GLMN: variants seen among roughly 807,000 people sequenced by gnomAD.
GLMN encodes the protein glomulin, FKBP associated protein.
GLMN carries 75 observed loss-of-function variants against 87.8 expected under a neutral mutation model. The observed-to-expected ratio is 0.85, with a 90% confidence interval of 0.71 to 1.04. The LOEUF (loss-of-function observed/expected upper bound fraction) is 1.04. Among genes scored for constraint, GLMN ranks in the 50% least tolerant of loss-of-function variants. The pLI is 0.00. For synonymous variants in GLMN, 206 were observed against 221.6 expected (o/e 0.93, Z 0.63); for missense variants, 588 against 658.8 (o/e 0.89, Z 1.18).
chr1:92,287,484 G>T (rs1359557571), intron 6 of GLMN, among the ~76,000 whole-genome samples: 3 of 149,420 alleles, frequency 2.0e-5, no homozygotes, highest in African/African-American at 7.4e-5. Context: ...GGGACTACAG[G>T]CACACACCAC....
At chr1:92,355,637 C>T in the GLMN span, among the ~76,000 whole-genome samples, 1 of 152,034 alleles carries the variant, frequency 6.6e-6, no homozygotes. Flanking sequence ...GAGGAACACC[C>T]CCAAGATGCC....
In GLMN at chr1:92,288,909, C is replaced by T; in HGVS notation, c.632+5G>A. 3 of 1,345,074 alleles carry T rather than the reference C, an allele frequency of 2.2e-6. No individual in the cohort carries two copies. Among genetic ancestry groups the T allele is most frequent in the Non-Finnish European group, 3.2e-6 (3 of 934,868 alleles). 83.3% of individuals were successfully genotyped at this position (1,345,074 alleles called of 1,614,324 possible). On this transcript the variant is annotated splice_donor_5th_base_variant and intron_variant, in intron 6 of 18. Coordinates refer to ENST00000370360, the MANE Select transcript of GLMN (RefSeq NM_053274.3). ...ACTGTGAGATGTTCTTAAAATTATA[C>T]TTACAATTTCAGTAATTCATCCTTT... is the stretch of plus-strand genomic sequence containing the variant.
At chr1:92,369,376 T>G in the GLMN span, among the ~76,000 whole-genome samples, 1 of 152,174 alleles carries the variant, frequency 6.6e-6, no homozygotes. Context: ...ACTGTAAACT[T>G]GAACTCCTGG....
intron 16 of GLMN, among the ~76,000 whole-genome samples, chr1:92,251,311 A>T (rs1345546968): frequency 2.0e-5 from 3 of 152,198 alleles, no homozygotes; most frequent in African/African-American, 7.2e-5. Context: ...AAATAGACCC[A>T]TACTTATAAA....
chr1:92,273,551 T>A (rs895058978), intron 7 of GLMN, among the ~76,000 whole-genome samples: 13 of 145,760 alleles, frequency 8.9e-5, no homozygotes, highest in African/African-American at 3.3e-4. Context: ...GCTCAAGCAA[T>A]CCACCCTCCT....
intron 16 of GLMN, among the ~76,000 whole-genome samples, chr1:92,262,650 G>T (rs952336034): frequency 6.6e-6 from 1 of 152,200 alleles, no homozygotes; most frequent in Non-Finnish European, 1.5e-5. Flanking sequence ...GAAAGCAGAC[G>T]TACAATAGGA....
the GLMN span, among the ~76,000 whole-genome samples, chr1:92,341,648 A>G: frequency 6.6e-6 from 1 of 152,180 alleles, no homozygotes; most frequent in African/African-American, 2.4e-5. Context: ...TATAATAGAA[A>G]AGGAAATACT....
At chr1:92,332,996 A>G in the GLMN span, among the ~76,000 whole-genome samples, 1 of 152,118 alleles carries the variant, frequency 6.6e-6, no homozygotes, top group East Asian at 1.9e-4. Flanking sequence ...CCATTTCTAG[A>G]ATGGTTAGGG....
Position 92,297,545 on chromosome 1 carries a change from AAAAC to A in GLMN, c.40-20_40-17del. ...CTAGGATTTGCTGGCAAAAAAAAAA[AAAAC>A]CCAAAAAACAAACAAAAAAAAGTAT... On this transcript the variant is annotated splice_polypyrimidine_tract_variant and intron_variant, in intron 2 of 18. Transcript: ENST00000370360. The A allele has an allele frequency of 6.3e-7, 1 of 1,591,990 alleles. No homozygotes were observed. The highest frequency in any genetic ancestry group is 8.5e-7 in the Non-Finnish European group (1 of 1,171,222).
At position 92,257,832 on chromosome 1, in the gene GLMN, C is replaced by G. The variant is rs1654462856; in HGVS notation, c.1473+5031G>C. Reference sequence around the variant, plus strand: ...ACCCTAGAAGAAAACCTAGGCAATACCATTCAGGACATAGACATGGGCAAA... The same window carrying G: ...ACCCTAGAAGAAAACCTAGGCAATAGCATTCAGGACATAGACATGGGCAAA... On this transcript the variant is annotated intron_variant, in intron 16 of 18. Transcript: ENST00000370360. Among the ~76,000 whole-genome samples, 7 of 152,112 alleles carry G rather than the reference C, an allele frequency of 4.6e-5. No homozygotes were observed. The South Asian group carries it at 1.5e-3, about 32-fold the overall frequency.
intron 7 of GLMN, 30 bp from the exon 8 acceptor site, chr1:92,271,682 G>A (rs768456941): frequency 2.0e-6 from 3 of 1,478,528 alleles, no homozygotes; most frequent in Non-Finnish European, 2.8e-6. Context: ...GGAAACCATA[G>A]CACACAGACT....
the GLMN span, among the ~76,000 whole-genome samples, chr1:92,332,667 A>G: frequency 5.3e-5 from 8 of 152,220 alleles, no homozygotes; most frequent in South Asian, 1.2e-3. Flanking sequence ...GAACTAGTCT[A>G]TTTCCTATTC....
intron 7 of GLMN, among the ~76,000 whole-genome samples, chr1:92,284,054 T>C (rs1247627257): frequency 6.6e-6 from 1 of 152,132 alleles, no homozygotes; most frequent in Non-Finnish European, 1.5e-5. Context: ...CCCAAAGTAA[T>C]TTACAGATTC....
At chr1:92,307,340 G>C in the GLMN span, 2 of 1,072,836 alleles carry the variant, frequency 1.9e-6, no homozygotes, top group Admixed American at 4.9e-5. Flanking sequence ...TCTGCTTTTT[G>C]AGATTAGCTG....
chr1:92,274,750 G>GT (rs948645583), intron 7 of GLMN, among the ~76,000 whole-genome samples: 14 of 152,244 alleles, frequency 9.2e-5, no homozygotes, highest in Non-Finnish European at 1.8e-4. Context: ...GAACTATTCT[G>GT]TATTTGATAC....
intron 7 of GLMN, among the ~76,000 whole-genome samples, chr1:92,272,509 TA>T (rs1202622273): frequency 6.6e-6 from 1 of 152,144 alleles, no homozygotes; most frequent in East Asian, 1.9e-4. Flanking sequence ...CAATTTTTTT[TA>T]AAAAAGTGCT....
chr1:92,340,659 A>G, the GLMN span, among the ~76,000 whole-genome samples: 2 of 152,162 alleles, frequency 1.3e-5, no homozygotes, highest in Non-Finnish European at 2.9e-5. Flanking sequence ...CCCCCCTTAG[A>G]TAATTCTAAT....
the GLMN span, among the ~76,000 whole-genome samples, chr1:92,321,746 TA>T: frequency 6.6e-6 from 1 of 152,130 alleles, no homozygotes; most frequent in South Asian, 2.1e-4. Context: ...AAATATCTTT[TA>T]TTGAAAAATG....
Position 92,268,150 on chromosome 1 carries a change from T to C in GLMN, c.978-15A>G. Reference sequence around the variant, plus strand: ...ACTCTTCTGTTCTGAAAAATAATATTAAAATTTATCATGAATTTGTAAACT... The same window carrying C: ...ACTCTTCTGTTCTGAAAAATAATATCAAAATTTATCATGAATTTGTAAACT... On this transcript the variant is annotated splice_polypyrimidine_tract_variant and intron_variant, in intron 9 of 18. Transcript: ENST00000370360. The C allele has an allele frequency of 7.8e-7, 1 of 1,287,074 alleles. No individual in the cohort carries two copies. Among genetic ancestry groups the C allele is most frequent in the Non-Finnish European group, 1.1e-6 (1 of 887,332 alleles). 79.7% of individuals were successfully genotyped at this position (1,287,074 alleles called of 1,614,324 possible). A position where few individuals can be genotyped will look rare whatever the true frequency, so the allele number is the denominator to read the frequency against.
Sources: allele counts gnomAD v4.1 joint callset (sites outside exome capture counted in the v4.1 genomes callset), GRCh38; gene constraint gnomAD v4.1.1; transcripts MANE v1.5; gene names NCBI Gene and HGNC (gene_info 2026-07-23, HGNC 2026-07-21).